FAF2: variants seen among roughly 807,000 people sequenced by gnomAD.
The protein encoded by FAF2 is Fas associated factor family member 2.
Under a neutral mutation model 62.3 loss-of-function variants are expected in FAF2, and 9 were observed. The observed-to-expected ratio is 0.14, with a 90% CI of 0.09 to 0.25. The LOEUF (loss-of-function observed/expected upper bound fraction) is 0.25. FAF2 is among the 10% of genes least tolerant of loss of function. FAF2 has a pLI of 1.00. For missense variants in FAF2, 368 were observed against 556.2 expected (o/e 0.66, Z 3.40); for synonymous variants, 202 against 198.0 (o/e 1.02, Z -0.17).
intron 4 of FAF2, among the ~76,000 whole-genome samples, chr5:176,490,974 A>G (rs955703653): frequency 6.6e-6 from 1 of 152,172 alleles, no homozygotes; most frequent in African/African-American, 2.4e-5. Flanking sequence ...TGTGCTTTTA[A>G]TTCGCTCTGG....
In FAF2 at chr5:176,448,521, G is replaced by T. The variant is rs771459595; in HGVS notation, c.63+51G>T. On this transcript the variant is annotated intron_variant, in intron 1 of 10. Transcript: ENST00000261942. ...GATGCCTCCGTGGGATGGGGAGTAG[G>T]CCCCTAGAGGAGTTCAGAACCCTCC... is the stretch of plus-strand genomic sequence containing the variant. 3.2e-5 allele frequency: 49 copies of T among 1,526,782 alleles called. No homozygotes were observed. In the South Asian group the frequency reaches 5.0e-4, roughly 16 times the overall value. 94.6% of individuals were successfully genotyped at this position (1,526,782 alleles called of 1,614,324 possible). A position where few individuals can be genotyped will look rare whatever the true frequency, so the allele number is the denominator to read the frequency against.
At chr5:176,461,881 A>C (rs1025151075) in intron 1 of FAF2, among the ~76,000 whole-genome samples, 6 of 152,184 alleles carry the variant, frequency 3.9e-5, no homozygotes, top group African/African-American at 1.4e-4. Flanking sequence ...GCCAAGACCA[A>C]TGTCCAGAAT....
intron 1 of FAF2, among the ~76,000 whole-genome samples, chr5:176,472,731 AAAAAG>A (rs1409043320): frequency 6.6e-6 from 1 of 151,440 alleles, no homozygotes; most frequent in African/African-American, 2.4e-5. Context: ...AAAAAAAAAA[AAAAAG>A]AAAAGAAAGA....
intron 1 of FAF2, among the ~76,000 whole-genome samples, chr5:176,469,022 A>C (rs1260933618): frequency 1.3e-5 from 2 of 152,180 alleles, no homozygotes; most frequent in Non-Finnish European, 2.9e-5. Flanking sequence ...AGGTGGATGC[A>C]TCACCTGAGG....
rs1000654997 is a variant in FAF2 at position 176,502,816 on chromosome 5, G to A, written c.1155+2670G>A. On this transcript the variant is annotated intron_variant, in intron 10 of 10. Transcript: ENST00000261942. Reference sequence around the variant, plus strand: ...TGTAATCCCAGCACTTTGGGGGGCCGAGGCAGGCGGATCACAAGGTCAGGA... The same window carrying A: ...TGTAATCCCAGCACTTTGGGGGGCCAAGGCAGGCGGATCACAAGGTCAGGA... Among the ~76,000 whole-genome samples, 8 of 152,224 alleles carry A rather than the reference G, an allele frequency of 5.3e-5. No individual in the cohort carries two copies. In the East Asian group the frequency reaches 7.7e-4, roughly 15 times the overall value.
intron 1 of FAF2, among the ~76,000 whole-genome samples, chr5:176,466,996 C>T (rs1300389305): frequency 6.6e-6 from 1 of 152,086 alleles, no homozygotes; most frequent in East Asian, 1.9e-4. Context: ...TCTCCAAAAT[C>T]CTTGGGAAGT....
At chr5:176,486,227 T>C in intron 2 of FAF2, 128 bp from the exon 3 acceptor site, 2 of 1,154,060 alleles carry the variant, frequency 1.7e-6, no homozygotes, top group East Asian at 2.5e-5. Flanking sequence ...GAAGGTGCAC[T>C]CCTCAGTGAC....
chr5:176,501,575 T>TGA (rs1755591549), intron 10 of FAF2, among the ~76,000 whole-genome samples: 1 of 152,220 alleles, frequency 6.6e-6, no homozygotes, highest in South Asian at 2.1e-4. Flanking sequence ...ATCATTTAGA[T>TGA]GAGTGAGACA....
chr5:176,474,712 ATAT>A (rs1758658222), intron 1 of FAF2, among the ~76,000 whole-genome samples: 1 of 152,184 alleles, frequency 6.6e-6, no homozygotes, highest in South Asian at 2.1e-4. Flanking sequence ...CTCTGCTCAA[ATAT>A]TATCTCCTTG....
At chr5:176,499,194 A>AG (rs1208697316) in intron 9 of FAF2, 109 bp downstream of exon 9, 4 of 984,350 alleles carry the variant, frequency 4.1e-6, no homozygotes, top group East Asian at 3.1e-5. Flanking sequence ...ACAGACTAAG[A>AG]GGGAAAAAAA....
At chr5:176,476,931 T>G (rs1758704924) in intron 1 of FAF2, among the ~76,000 whole-genome samples, 1 of 148,446 alleles carries the variant, frequency 6.7e-6, no homozygotes, top group Admixed American at 6.8e-5. Context: ...TGCCTCAGCC[T>G]CCTGAGTAGC....
At chr5:176,451,821 T>TACAC (rs1758179325) in intron 1 of FAF2, among the ~76,000 whole-genome samples, 8 of 56,626 alleles carry the variant, frequency 1.4e-4, no homozygotes, top group African/African-American at 2.3e-4. Context: ...CACACATATA[T>TACAC]ATATATACAT....
chr5:176,461,265 C>T (rs1397110260), intron 1 of FAF2, among the ~76,000 whole-genome samples: 1 of 146,316 alleles, frequency 6.8e-6, no homozygotes, highest in Admixed American at 6.9e-5. Flanking sequence ...CCACCCACCT[C>T]GGCCTCCCAA....
chr5:176,505,102 C>G (rs1414564211), intron 10 of FAF2, among the ~76,000 whole-genome samples: 1 of 151,352 alleles, frequency 6.6e-6, no homozygotes, highest in East Asian at 1.9e-4. Context: ...GGTATAAAAC[C>G]CAGAGAATTC....
At chr5:176,448,764 C>G (rs913429198) in intron 1 of FAF2, among the ~76,000 whole-genome samples, 1 of 152,168 alleles carries the variant, frequency 6.6e-6, no homozygotes, top group African/African-American at 2.4e-5. Flanking sequence ...CTTCCCAGCC[C>G]GGTTATCGGT....
chr5:176,480,025 TGTTA>T (rs1250376303), intron 2 of FAF2, among the ~76,000 whole-genome samples: 2 of 152,178 alleles, frequency 1.3e-5, no homozygotes, highest in African/African-American at 4.8e-5. Context: ...GCAAGTGTGA[TGTTA>T]GTTGTTACTT....
intron 1 of FAF2, among the ~76,000 whole-genome samples, chr5:176,465,633 C>A (rs1057187615): frequency 2.0e-5 from 3 of 152,206 alleles, no homozygotes; most frequent in African/African-American, 7.2e-5. Context: ...TCCCAAAGTG[C>A]TGAAGTTACA....
intron 3 of FAF2, among the ~76,000 whole-genome samples, chr5:176,488,497 C>T (rs916295305): frequency 2.0e-5 from 3 of 152,220 alleles, no homozygotes; most frequent in African/African-American, 7.2e-5. Flanking sequence ...TCTCAGCTCA[C>T]TGCAACCTCC....
intron 1 of FAF2, among the ~76,000 whole-genome samples, chr5:176,465,251 G>A (rs888369473): frequency 1.1e-4 from 17 of 151,858 alleles, no homozygotes; most frequent in African/African-American, 4.1e-4. Flanking sequence ...GAGAAAAACT[G>A]TATCAACATG....
Sources: gnomAD v4.1 joint callset for allele counts (sites outside exome capture counted in the v4.1 genomes callset) on GRCh38, gnomAD v4.1.1 for gene constraint, MANE v1.5 for transcripts, NCBI Gene and HGNC (gene_info 2026-07-23, HGNC 2026-07-21) for gene names.